TBL1X: variants seen among roughly 807,000 people sequenced by gnomAD.
TBL1X encodes the protein transducin beta like 1 X-linked, also known as F-box-like/WD repeat-containing protein TBL1X.
A neutral mutation model predicts 50.7 loss-of-function variants in TBL1X; 10 were observed. The ratio of observed to expected loss-of-function variants is 0.20; its 90% CI spans 0.12 to 0.33. TBL1X has a LOEUF of 0.33. Among genes scored for constraint, TBL1X ranks in the 10% least tolerant of loss-of-function variants. The probability of loss-of-function intolerance (pLI) is 1.00; values close to 1 mark genes in which losing one functional copy is unlikely to be tolerated. For missense variants in TBL1X, 340 were observed against 504.4 expected, an observed-to-expected ratio of 0.67 and a Z score of 3.12; for synonymous variants, 190 against 214.7, an observed-to-expected ratio of 0.88 and a Z score of 1.01.
At chrX:9,538,622 G>A (rs891987356) in intron 2 of TBL1X, among the ~76,000 whole-genome samples, 1 of 112,352 alleles carries the variant, frequency 8.9e-6, no homozygotes, top group African/African-American at 3.2e-5. Context: ...TTCCTCGCTT[G>A]TAAAACTGCT....
In TBL1X at chrX:9,629,649, T is replaced by C. The variant is rs1258782646; in HGVS notation, c.-130-10624T>C. Among the ~76,000 whole-genome samples, 8 of 111,317 alleles carry C rather than the reference T, an allele frequency of 7.2e-5. No homozygotes were observed. In the Admixed American group the frequency reaches 7.6e-4, roughly 11 times the overall value. On this transcript the variant is annotated intron_variant, in intron 2 of 17. Coordinates refer to ENST00000645353, the MANE Select transcript of TBL1X (RefSeq NM_005647.4). Reference sequence around the variant, plus strand: ...TTATTAAAATGCCTGGCTCATGTACTTGTTCATGAAAGAAGCAAAACACCA... The same window carrying C: ...TTATTAAAATGCCTGGCTCATGTACCTGTTCATGAAAGAAGCAAAACACCA...
intron 1 of TBL1X, among the ~76,000 whole-genome samples, chrX:9,478,689 A>C: frequency 8.9e-6 from 1 of 112,479 alleles, no homozygotes. Flanking sequence ...TCAAATACGC[A>C]GATTCCCAGT....
At chrX:9,576,724 C>T (rs912164634) in intron 2 of TBL1X, among the ~76,000 whole-genome samples, 3 of 100,883 alleles carry the variant, frequency 3.0e-5, no homozygotes, top group Non-Finnish European at 5.9e-5. Context: ...AAACATCGGA[C>T]GTGGTGGGTC....
At chrX:9,597,204 A>G (rs1465775951) in intron 2 of TBL1X, among the ~76,000 whole-genome samples, 2 of 111,671 alleles carry the variant, frequency 1.8e-5, no homozygotes, top group Non-Finnish European at 3.8e-5. Context: ...ATGGGTCCAA[A>G]AGACTTGGGC....
chrX:9,570,672 CTTTTTGTTTTTTT>C (rs2082380522), intron 2 of TBL1X, among the ~76,000 whole-genome samples: 2 of 78,050 alleles, frequency 2.6e-5, no homozygotes, highest in Non-Finnish European at 4.6e-5. Context: ...TTTTTTTTTT[CTTTTTGTTTTTTT>C]TTTTTTTTTT....
At chrX:9,604,140 A>G (rs2082570554) in intron 2 of TBL1X, among the ~76,000 whole-genome samples, 1 of 111,407 alleles carries the variant, frequency 9.0e-6, no homozygotes, top group Admixed American at 9.5e-5. Context: ...CCCTTCTCCC[A>G]ATTCCCCTGG....
At chrX:9,529,129 G>A (rs1193790880) in intron 2 of TBL1X, among the ~76,000 whole-genome samples, 1 of 111,986 alleles carries the variant, frequency 8.9e-6, no homozygotes, top group Admixed American at 9.4e-5. Flanking sequence ...CTATGGTAAC[G>A]TTTTGATCAG....
At chrX:9,600,932 G>T (rs2082553484) in intron 2 of TBL1X, among the ~76,000 whole-genome samples, 3 of 111,788 alleles carry the variant, frequency 2.7e-5, no homozygotes, top group African/African-American at 6.5e-5. Flanking sequence ...ATTTTATCCA[G>T]AGGTGATCTT....
At chrX:9,519,481 A>G (rs73487915) in intron 2 of TBL1X, among the ~76,000 whole-genome samples, 1,796 of 111,909 alleles carry the variant, frequency 0.016, 43 homozygotes, top group African/African-American at 0.056. Flanking sequence ...TTTCTAGGCT[A>G]GTTGGGAATT....
intron 2 of TBL1X, among the ~76,000 whole-genome samples, chrX:9,557,160 G>A (rs917421484): frequency 2.7e-4 from 30 of 111,798 alleles, no homozygotes; most frequent in Admixed American, 6.7e-4. Flanking sequence ...ATGGCGCCTG[G>A]TCAAAGTATC....
chrX:9,547,581 A>T (rs1009021476), intron 2 of TBL1X, among the ~76,000 whole-genome samples: 25 of 111,000 alleles, frequency 2.3e-4, no homozygotes, highest in African/African-American at 6.2e-4. Flanking sequence ...TGGCCTCCCA[A>T]AGTGCTGGGA....
chrX:9,642,186 A>G (rs997491886), intron 3 of TBL1X, among the ~76,000 whole-genome samples: 3 of 111,727 alleles, frequency 2.7e-5, no homozygotes, highest in African/African-American at 9.8e-5. Context: ...TGAATCCAGC[A>G]CACATTGGAT....
chrX:9,677,735 C>A (rs1261720708), intron 5 of TBL1X, among the ~76,000 whole-genome samples: 1 of 111,916 alleles, frequency 8.9e-6, no homozygotes, highest in African/African-American at 3.3e-5. Flanking sequence ...GTAATAAATT[C>A]TTTCAATGGC....
chrX:9,695,592 A>G (rs1192273794), intron 11 of TBL1X, among the ~76,000 whole-genome samples: 4 of 112,374 alleles, frequency 3.6e-5, no homozygotes, highest in East Asian at 5.5e-4. Flanking sequence ...TCACTACTGC[A>G]TGTGTTAATC....
At chrX:9,475,966 T>C (rs139676300) in intron 1 of TBL1X, among the ~76,000 whole-genome samples, 35 of 112,294 alleles carry the variant, frequency 3.1e-4, no homozygotes, top group African/African-American at 1.1e-3. Flanking sequence ...ACTTGTAGAT[T>C]TCCGTGTACC....
chrX:9,614,064 G>A (rs148045064), intron 2 of TBL1X, among the ~76,000 whole-genome samples: 1 of 110,862 alleles, frequency 9.0e-6, no homozygotes, highest in East Asian at 2.8e-4. Context: ...TTTCTGTTGG[G>A]TTGTGCAGAT....
chrX:9,698,903 G>A (rs780124997), intron 12 of TBL1X, among the ~76,000 whole-genome samples: 8 of 24 alleles, frequency 0.33, no homozygotes, highest in East Asian at 0.5. Context: ...GGCCACATGC[G>A]TTACCCAGGG....
In TBL1X at chrX:9,665,540, A is replaced by T. The variant is rs867058852; in HGVS notation, c.211+11218A>T. ...ATATATATATATATATATATATATAAAAGGCCTTGGTGCTTTTTCGCTTCT... is the reference window on the plus strand; with the variant it reads ...ATATATATATATATATATATATATATAAGGCCTTGGTGCTTTTTCGCTTCT... On this transcript the variant is annotated intron_variant, in intron 5 of 17. Transcript: ENST00000645353. Among the ~76,000 whole-genome samples the T allele has an allele frequency of 7.6e-3, 251 of 32,902 alleles. 7 individuals are homozygous for T. The highest frequency in any genetic ancestry group is 0.024 in the African/African-American group (216 of 8,837). The allele number at this position is 32,902 out of a possible 115,157, so 28.6% of individuals were successfully genotyped here. A position where few individuals can be genotyped will look rare whatever the true frequency, so the allele number is the denominator to read the frequency against.
At chrX:9,653,733 T>C in intron 4 of TBL1X, 44 bp downstream of exon 4, 1 of 1,114,416 alleles carries the variant, frequency 9.0e-7, no homozygotes, top group Non-Finnish European at 1.2e-6. Context: ...GGTCACTCTT[T>C]GGGGGTGTTG....
Sources: gnomAD v4.1 joint callset for allele counts (sites outside exome capture counted in the v4.1 genomes callset) on GRCh38, gnomAD v4.1.1 for gene constraint, MANE v1.5 for transcripts, NCBI Gene and HGNC (gene_info 2026-07-23, HGNC 2026-07-21) for gene names.